The following CNTN5 variants were observed in gnomAD, a reference collection of about 807,000 sequenced individuals.
CNTN5 encodes contactin-5.
A neutral mutation model predicts 129.1 loss-of-function variants in CNTN5; 77 were observed. The observed-to-expected ratio is 0.60, with a 90% confidence interval of 0.50 to 0.72. CNTN5 has a LOEUF of 0.72. CNTN5 is among the 30% of genes least tolerant of loss of function. The pLI is 0.00. For missense variants in CNTN5, 1,478 were observed against 1,328.8 expected (o/e 1.11, Z -1.75); for synonymous variants, 509 against 465.6 (o/e 1.09, Z -1.20).
intron 13 of CNTN5, among the ~76,000 whole-genome samples, chr11:100,133,884 A>G (rs1374035790): frequency 6.6e-6 from 1 of 152,158 alleles, no homozygotes; most frequent in Non-Finnish European, 1.5e-5. Context: ...TTCTCCCTCA[A>G]ATTCAATTTA....
chr11:99,168,052 G>T (rs1231075082), intron 1 of CNTN5, among the ~76,000 whole-genome samples: 1 of 151,454 alleles, frequency 6.6e-6, no homozygotes, highest in Non-Finnish European at 1.5e-5. Context: ...TCCCCCCACT[G>T]CCTGCCAAGC....
chr11:99,301,873 A>G lies in CNTN5; in HGVS notation c.-209-23473A>G, dbSNP rs915739870. ...AAGTTTAAAATGATTGGTAGCATGT[A>G]AAGTATGGACTCAAAACACAATGTA... On this transcript the variant is annotated intron_variant, in intron 1 of 24. Transcript: ENST00000524871. Among the ~76,000 whole-genome samples the G allele has an allele frequency of 2.0e-5, 3 of 151,788 alleles. 1 individual carries two copies. The South Asian group carries it at 6.2e-4, about 31-fold the overall frequency.
At chr11:99,239,845 G>T in intron 1 of CNTN5, among the ~76,000 whole-genome samples, 1 of 151,650 alleles carries the variant, frequency 6.6e-6, no homozygotes, top group East Asian at 1.9e-4. Flanking sequence ...GCTGAGGCAG[G>T]AGAATGGCGG....
chr11:99,796,170 G>A (rs1418211477), intron 3 of CNTN5, among the ~76,000 whole-genome samples: 3 of 152,144 alleles, frequency 2.0e-5, no homozygotes, highest in Non-Finnish European at 4.4e-5. Flanking sequence ...TACAGAGCTG[G>A]CAGTATTTGT....
chr11:99,647,083 C>T (rs1027058160), intron 3 of CNTN5, among the ~76,000 whole-genome samples: 2 of 152,030 alleles, frequency 1.3e-5, no homozygotes, highest in African/African-American at 4.8e-5. Flanking sequence ...CTTTTGAGGT[C>T]TTAGTCATCA....
At chr11:99,625,913 TATATATATATACAC>T (rs921043568) in intron 3 of CNTN5, among the ~76,000 whole-genome samples, 4 of 31,738 alleles carry the variant, frequency 1.3e-4, no homozygotes, top group African/African-American at 3.4e-4. Flanking sequence ...TATATATATA[TATATATATATACAC>T]ACACACACAC....
At chr11:100,161,830 T>TACACATAC (rs59930760) in intron 13 of CNTN5, among the ~76,000 whole-genome samples, 5,154 of 125,810 alleles carry the variant, frequency 0.041, 126 homozygotes, top group South Asian at 0.066. Flanking sequence ...TGGAGCTTCC[T>TACACATAC]ACACACACAC....
intron 1 of CNTN5, among the ~76,000 whole-genome samples, chr11:99,199,473 A>G (rs1333976756): frequency 6.6e-6 from 1 of 152,160 alleles, no homozygotes; most frequent in African/African-American, 2.4e-5. Context: ...GTGCTTTAAA[A>G]CAACAACCCG....
chr11:99,256,077 G>T (rs1342440779), intron 1 of CNTN5, among the ~76,000 whole-genome samples: 3 of 151,906 alleles, frequency 2.0e-5, no homozygotes, highest in African/African-American at 7.3e-5. Context: ...TTTCTATGAA[G>T]AACATTTACA....
At chr11:99,299,523 G>A (rs1864532239) in intron 1 of CNTN5, among the ~76,000 whole-genome samples, 1 of 152,106 alleles carries the variant, frequency 6.6e-6, no homozygotes, top group Non-Finnish European at 1.5e-5. Flanking sequence ...CCAAAAAAAG[G>A]AAGTAAAGAA....
At chr11:100,270,047 AAC>A (rs1164427364) in intron 17 of CNTN5, among the ~76,000 whole-genome samples, 4 of 152,146 alleles carry the variant, frequency 2.6e-5, no homozygotes, top group African/African-American at 7.2e-5. Context: ...AGCAAGAGGG[AAC>A]AGAGTTGTTT....
At chr11:100,238,408 C>CAAAAA (rs201855934) in intron 16 of CNTN5, among the ~76,000 whole-genome samples, 2 of 71,326 alleles carry the variant, frequency 2.8e-5, no homozygotes, top group African/African-American at 9.9e-5. Flanking sequence ...CCTCACTTGT[C>CAAAAA]AAAAAAAAAA....
At chr11:99,233,926 G>A (rs984676164) in intron 1 of CNTN5, among the ~76,000 whole-genome samples, 13 of 151,786 alleles carry the variant, frequency 8.6e-5, no homozygotes, top group African/African-American at 3.1e-4. Flanking sequence ...AGATTGAGCA[G>A]CAGAGCTAGA....
At chr11:99,411,947 C>A (rs190586010) in intron 2 of CNTN5, among the ~76,000 whole-genome samples, 1 of 152,146 alleles carries the variant, frequency 6.6e-6, no homozygotes, top group African/African-American at 2.4e-5. Context: ...TTATCTCCCA[C>A]ATATAGACCC....
intron 6 of CNTN5, among the ~76,000 whole-genome samples, chr11:99,881,574 G>A (rs1217475196): frequency 6.6e-6 from 1 of 152,046 alleles, no homozygotes; most frequent in South Asian, 2.1e-4. Flanking sequence ...GGGATTTAAG[G>A]GCTATTTAAA....
intron 2 of CNTN5, among the ~76,000 whole-genome samples, chr11:99,503,646 G>C (rs997568578): frequency 6.6e-6 from 1 of 152,188 alleles, no homozygotes; most frequent in African/African-American, 2.4e-5. Context: ...AAAAACCTGG[G>C]TCTTTTATTT....
chr11:99,970,299 G>A (rs1173041164), intron 8 of CNTN5, among the ~76,000 whole-genome samples: 1 of 152,122 alleles, frequency 6.6e-6, no homozygotes, highest in African/African-American at 2.4e-5. Context: ...AAAGAAGTGA[G>A]GCCATAAGTA....
At chr11:99,068,705 T>G (rs548070364) in intron 1 of CNTN5, among the ~76,000 whole-genome samples, 1,619 of 152,270 alleles carry the variant, frequency 0.011, 26 homozygotes, top group South Asian at 0.072. Context: ...TCACTTTGAA[T>G]GTAGTAAATC....
chr11:100,099,538 T>C (rs1945146788), intron 13 of CNTN5, among the ~76,000 whole-genome samples: 1 of 152,110 alleles, frequency 6.6e-6, no homozygotes, highest in African/African-American at 2.4e-5. Flanking sequence ...TAAAGTACTG[T>C]ACATCACAAG....
Sources: gnomAD v4.1 joint callset for allele counts (sites outside exome capture counted in the v4.1 genomes callset) on GRCh38, gnomAD v4.1.1 for gene constraint, MANE v1.5 for transcripts, NCBI Gene and HGNC (gene_info 2026-07-23, HGNC 2026-07-21) for gene names.